ACOX3: variants seen among roughly 807,000 people sequenced by gnomAD.
The protein encoded by ACOX3 is acyl-CoA oxidase 3, pristanoyl.
In ACOX3, 73 loss-of-function variants were observed where a neutral mutation model predicts 81.5. That is an observed-to-expected ratio of 0.90 (90% CI 0.74 to 1.09). The LOEUF (loss-of-function observed/expected upper bound fraction) is 1.09. Ranked by LOEUF, ACOX3 falls within the 50% of genes least tolerant of loss-of-function variation. ACOX3 has a pLI of 0.00. For synonymous variants in ACOX3, 387 were observed against 375.1 expected, an observed-to-expected ratio of 1.03 and a Z score of -0.37; for missense variants, 947 against 928.0, an observed-to-expected ratio of 1.02 and a Z score of -0.27.
In ACOX3 at chr4:8,370,550, G is replaced by T. The variant is rs1716053302; in HGVS notation, c.1983+358C>A. Among the ~76,000 whole-genome samples, 1 of 151,468 alleles carries T rather than the reference G, an allele frequency of 6.6e-6. No individual in the cohort carries two copies. The highest frequency in any genetic ancestry group is 2.4e-5 in the African/African-American group (1 of 41,170). On this transcript the variant is annotated intron_variant, in intron 17 of 17. Coordinates refer to ENST00000356406, the MANE Select transcript of ACOX3 (RefSeq NM_003501.3). This position sits in a 1 kb window ranked among gnomAD's most constrained non-coding sequence, Gnocchi z 6.3. ...GGGGAAGAGGCCTGCAGGGCCAGGA[G>T]CATGGTCAGATGGGGGTAAGACCTG...
chr4:8,429,180 G>C (rs1264929895), intron 1 of ACOX3, among the ~76,000 whole-genome samples: 1 of 152,204 alleles, frequency 6.6e-6, no homozygotes, highest in Non-Finnish European at 1.5e-5. Context: ...TACAGAGACA[G>C]TGTTGTACCT....
chr4:8,394,088 A>C lies in ACOX3; in HGVS notation c.1179+532T>G, dbSNP rs1719390350. Among the ~76,000 whole-genome samples, 1 of 152,154 alleles carries C rather than the reference A, an allele frequency of 6.6e-6. No homozygotes were observed. Among genetic ancestry groups the C allele is most frequent in the South Asian group, 2.1e-4 (1 of 4,826 alleles). On this transcript the variant is annotated intron_variant, in intron 10 of 17. Transcript: ENST00000356406. The surrounding 1 kb of genome is among the most constrained non-coding windows in gnomAD (Gnocchi z 5.9). Reference sequence around the variant, plus strand: ...CTTTCAAACACGGTTATTTCTTTTGATTCACATTTCACTCTTGCTCAGGAG... The same window carrying C: ...CTTTCAAACACGGTTATTTCTTTTGCTTCACATTTCACTCTTGCTCAGGAG...
chr4:8,387,994 C>T (rs920109654), intron 13 of ACOX3, among the ~76,000 whole-genome samples: 7 of 152,346 alleles, frequency 4.6e-5, no homozygotes, highest in African/African-American at 1.4e-4. Context: ...TATGAATCAT[C>T]AAAACAAACA....
chr4:8,406,399 G>A lies in ACOX3; in HGVS notation c.688-356C>T, dbSNP rs1270585008. On this transcript the variant is annotated intron_variant, in intron 6 of 17. Coordinates refer to ENST00000356406, the MANE Select transcript of ACOX3 (RefSeq NM_003501.3). The surrounding 1 kb of genome is among the most constrained non-coding windows in gnomAD (Gnocchi z 5.6). ...ACGGAGGCACAGAGTACAGCGCTGG[G>A]GCTGTAGGGATCAGCCCCACAGGGT... Among the ~76,000 whole-genome samples the A allele has an allele frequency of 6.6e-6, 1 of 152,118 alleles. No homozygotes were observed. The highest frequency in any genetic ancestry group is 2.4e-5 in the African/African-American group (1 of 41,418).
chr4:8,362,912 T>C (rs1560159133), downstream of ACOX3, among the ~76,000 whole-genome samples: 2 of 152,258 alleles, frequency 1.3e-5, no homozygotes, highest in Non-Finnish European at 2.9e-5. Flanking sequence ...CTGTACTTTA[T>C]ACAAACAATC....
In ACOX3 at chr4:8,366,966, G is replaced by C. The variant is rs995848442; in HGVS notation, c.2098C>G (p.Leu700Val). 6 of 1,613,786 alleles carry C rather than the reference G, an allele frequency of 3.7e-6. No homozygotes were observed. In the African/African-American group the frequency reaches 6.7e-5, roughly 18 times the overall value. Residue 700 changes from leucine (L) to valine (V), a missense_variant, in exon 18 of 18, where the codon CTC becomes GTC. Transcript: ENST00000356406. ...KPVIGSLKSK[L>V] Reference sequence around the variant, plus strand: ...CTGAATGTGTGCCAGTCCCACTAGAGCTTCGATTTCAGACTTCCTATGACA... The same window carrying C: ...CTGAATGTGTGCCAGTCCCACTAGACCTTCGATTTCAGACTTCCTATGACA...
chr4:8,388,636 C>T (rs1362310864), intron 13 of ACOX3, among the ~76,000 whole-genome samples: 2 of 152,236 alleles, frequency 1.3e-5, no homozygotes, highest in Non-Finnish European at 2.9e-5. Context: ...CAGCTCTGTG[C>T]GGGGCCCTGG....
Position 8,410,342 on chromosome 4 carries a change from T to G in ACOX3, c.557A>C (p.His186Pro), listed in dbSNP as rs764822711. 2 of 1,614,064 alleles carry G rather than the reference T, an allele frequency of 1.2e-6. No individual in the cohort carries two copies. The highest frequency in any genetic ancestry group is 1.7e-6 in the Non-Finnish European group (2 of 1,179,928). The change falls in exon 6 of 18, where the codon CAT becomes CCT. Residue 186 changes from histidine to proline, a missense_variant. His to Pro is a moderately conservative substitution (Grantham distance 77). Coordinates refer to ENST00000356406, the MANE Select transcript of ACOX3 (RefSeq NM_003501.3). The part of the protein sequence containing the change: ...YDPATEEFII[H>P]SPDFEAAKFW... ...CTTGGCAGCTTCGAAATCAGGGGAA[T>G]GTATGATGAATTCCTGCACAAGGGA...
chr4:8,374,890 G>C (rs543328863), intron 15 of ACOX3, 88 bp downstream of exon 15: 3 of 1,378,714 alleles, frequency 2.2e-6, no homozygotes, highest in East Asian at 2.5e-5. Flanking sequence ...CGTGGAAGGA[G>C]GACGATGGTG....
chr4:8,404,640 AAGG>A (rs1392281979), intron 7 of ACOX3, among the ~76,000 whole-genome samples: 2 of 152,188 alleles, frequency 1.3e-5, no homozygotes, highest in Non-Finnish European at 2.9e-5. Flanking sequence ...AGACAGGCAG[AAGG>A]AGGTTTCTCC....
rs765261412 is a variant in ACOX3 at position 8,394,438 on chromosome 4, C to T, written c.1179+182G>A. Among the ~76,000 whole-genome samples the T allele has an allele frequency of 2.0e-5, 3 of 152,226 alleles. No homozygotes were observed. Among genetic ancestry groups the T allele is most frequent in the Non-Finnish European group, 4.4e-5 (3 of 68,040 alleles). Reference sequence around the variant, plus strand: ...TCCTTGAGAGGCAGGGGTGTGGACGCGTGCCCAGCCCGTTCAATCGCGGCA... The same window carrying T: ...TCCTTGAGAGGCAGGGGTGTGGACGTGTGCCCAGCCCGTTCAATCGCGGCA... On this transcript the variant is annotated intron_variant, in intron 10 of 17. Transcript: ENST00000356406. This position sits in a 1 kb window ranked among gnomAD's most constrained non-coding sequence, Gnocchi z 5.9.
rs1028057641 is a variant in ACOX3 at position 8,431,800 on chromosome 4, C to T, written c.-15+8848G>A. Among the ~76,000 whole-genome samples, 46 of 152,236 alleles carry T rather than the reference C, an allele frequency of 3.0e-4. No individual in the cohort carries two copies. The highest frequency in any genetic ancestry group is 1.0e-3 in the African/African-American group (42 of 41,466). On this transcript the variant is annotated intron_variant, in intron 1 of 17. Coordinates refer to ENST00000356406, the MANE Select transcript of ACOX3 (RefSeq NM_003501.3). This position sits in a 1 kb window ranked among gnomAD's most constrained non-coding sequence, Gnocchi z 5.3. ...ACTTCTGTCCCACTTCTGCTCCCTT[C>T]GGCACACCGATTCCCTGCTCAGTTT...
At chr4:8,357,269 G>A in the ACOX3 span, 4 of 456,578 alleles carry the variant, frequency 8.8e-6, no homozygotes, top group African/African-American at 4.0e-5. Context: ...GCCAGGAGAC[G>A]GGGGCCCTCG....
Position 8,410,679 on chromosome 4 carries a change from C to T in ACOX3, c.544-324G>A, listed in dbSNP as rs1721617665. Among the ~76,000 whole-genome samples, 4 of 151,998 alleles carry T rather than the reference C, an allele frequency of 2.6e-5. No homozygotes were observed. The South Asian group carries it at 8.3e-4, about 32-fold the overall frequency. On this transcript the variant is annotated intron_variant, in intron 5 of 17. Coordinates refer to ENST00000356406, the MANE Select transcript of ACOX3 (RefSeq NM_003501.3). Reference sequence around the variant, plus strand: ...AGAAACACTGTGGATACACTGTGGGCGGAGCTGTCTGTGCACTGTGGGCGG... The same window carrying T: ...AGAAACACTGTGGATACACTGTGGGTGGAGCTGTCTGTGCACTGTGGGCGG...
At chr4:8,396,872 T>C (rs1719753598) in intron 9 of ACOX3, 65 bp downstream of exon 9, 10 of 1,560,884 alleles carry the variant, frequency 6.4e-6, no homozygotes, top group Non-Finnish European at 7.9e-6. Context: ...ACGGCAACTA[T>C]GTAAAAGAAG....
In ACOX3 at chr4:8,380,478, T is replaced by G. The variant is rs191604060; in HGVS notation, c.1653+1014A>C. Among the ~76,000 whole-genome samples, 13 of 152,314 alleles carry G rather than the reference T, an allele frequency of 8.5e-5. 1 individual carries two copies. In the East Asian group the frequency reaches 2.5e-3, roughly 29 times the overall value. ...TGCTGGGATTACAGGTGTGAGCCAC[T>G]GCACCTGGCCCAATCTGGGTTTCTT... On this transcript the variant is annotated intron_variant, in intron 14 of 17. Transcript: ENST00000356406.
At chr4:8,435,218 C>T (rs182457761) in intron 1 of ACOX3, among the ~76,000 whole-genome samples, 3 of 152,264 alleles carry the variant, frequency 2.0e-5, no homozygotes, top group East Asian at 1.9e-4. Context: ...TTGCTGGGCG[C>T]GGTGGCTCAC....
chr4:8,358,800 C>G, the ACOX3 span, among the ~76,000 whole-genome samples: 1 of 152,174 alleles, frequency 6.6e-6, no homozygotes, highest in African/African-American at 2.4e-5. Context: ...TAATCCACAC[C>G]CTGATTAGCA....
rs141678575 is a variant in ACOX3, at chr4:8,432,852, G to A, written c.-15+7796C>T. On this transcript the variant is annotated intron_variant, in intron 1 of 17. Coordinates refer to ENST00000356406, the MANE Select transcript of ACOX3 (RefSeq NM_003501.3). The surrounding 1 kb of genome is among the most constrained non-coding windows in gnomAD (Gnocchi z 6.2). Reference sequence around the variant, plus strand: ...GTCTCTAGTGCTGCATTGTTCAACAGTAGCCCCTAGCCTCATGTGGCTACT... The same window carrying A: ...GTCTCTAGTGCTGCATTGTTCAACAATAGCCCCTAGCCTCATGTGGCTACT... 2.1e-3 allele frequency among the ~76,000 whole-genome samples: 326 copies of A among 152,358 alleles called. No individual in the cohort carries two copies. The highest frequency in any genetic ancestry group is 7.4e-3 in the African/African-American group (309 of 41,580).
Sources: allele counts gnomAD v4.1 joint callset (sites outside exome capture counted in the v4.1 genomes callset), GRCh38; gene constraint gnomAD v4.1.1; non-coding constraint Gnocchi (gnomAD v3.1); transcripts MANE v1.5; gene names NCBI Gene and HGNC (gene_info 2026-07-23, HGNC 2026-07-21).